The following PPM1D variants were observed in gnomAD, a reference collection of about 807,000 sequenced individuals.
PPM1D encodes the protein protein phosphatase, Mg2+/Mn2+ dependent 1D.
PPM1D carries 52 observed loss-of-function variants against 58.3 expected under a neutral mutation model. That is an observed-to-expected ratio of 0.89 (90% CI 0.71 to 1.12). PPM1D has a LOEUF of 1.12. Among genes scored for constraint, PPM1D ranks in the 50% most tolerant of loss-of-function variants. The pLI is 0.00. For synonymous variants in PPM1D, 278 were observed against 285.1 expected (o/e 0.98, Z 0.25); for missense variants, 564 against 777.2 (o/e 0.73, Z 3.26).
At chr17:60,661,532 G>A (rs902103195) in intron 5 of PPM1D, among the ~76,000 whole-genome samples, 7 of 152,164 alleles carry the variant, frequency 4.6e-5, no homozygotes, top group African/African-American at 1.7e-4. Flanking sequence ...CTGAGTATAT[G>A]TAGATTTAGA....
chr17:60,657,242 C>A, intron 5 of PPM1D: 2 of 420,360 alleles, frequency 4.8e-6, no homozygotes, highest in Non-Finnish European at 6.4e-6. Flanking sequence ...CATAGAGAAT[C>A]AAAATTGAGC....
intron 2 of PPM1D, among the ~76,000 whole-genome samples, chr17:60,629,550 C>T (rs1238938394): frequency 6.6e-6 from 1 of 152,182 alleles, no homozygotes; most frequent in Middle Eastern, 3.2e-3. Flanking sequence ...ATATATCTGA[C>T]ATCTCTGCTG....
At position 60,600,237 on chromosome 17, in the gene PPM1D, G is replaced by T; in HGVS notation, c.-178G>T. The T allele has an allele frequency of 7.8e-7, 1 of 1,284,024 alleles. No homozygotes were observed. The highest frequency in any genetic ancestry group is 1.6e-5 in the African/African-American group (1 of 64,336). 79.5% of individuals were successfully genotyped at this position (1,284,024 alleles called of 1,614,324 possible). ...CTGGCTCTGCTCGCTCCGGCGCTCC[G>T]GCCCAGCTCTCGCGGACAAGTCCAG... is the stretch of plus-strand genomic sequence containing the variant. On this transcript the variant is annotated 5_prime_UTR_variant, in exon 1 of 6. Coordinates refer to ENST00000305921, the MANE Select transcript of PPM1D (RefSeq NM_003620.4).
chr17:60,653,188 T>C (rs2031376287), intron 4 of PPM1D, among the ~76,000 whole-genome samples: 1 of 152,174 alleles, frequency 6.6e-6, no homozygotes, highest in Admixed American at 6.5e-5. Context: ...TTCTACTAAT[T>C]GAGATCTTAG....
At chr17:60,631,607 A>G (rs2030922388) in intron 2 of PPM1D, among the ~76,000 whole-genome samples, 1 of 149,860 alleles carries the variant, frequency 6.7e-6, no homozygotes, top group African/African-American at 2.4e-5. Context: ...ACTGTCTCCA[A>G]AAAAAAAAGG....
At chr17:60,636,965 T>C (rs1038640045) in intron 3 of PPM1D, among the ~76,000 whole-genome samples, 1 of 118,690 alleles carries the variant, frequency 8.4e-6, no homozygotes, top group South Asian at 3.3e-4. Context: ...AGCCTACTCA[T>C]GATTTTTTTT....
At chr17:60,650,370 G>A (rs1567976041) in intron 4 of PPM1D, among the ~76,000 whole-genome samples, 1 of 152,152 alleles carries the variant, frequency 6.6e-6, no homozygotes, top group African/African-American at 2.4e-5. Flanking sequence ...GGCCAACATG[G>A]TGAAACCCCA....
chr17:60,605,044 A>G (rs2143617784), intron 1 of PPM1D, among the ~76,000 whole-genome samples: 1 of 151,708 alleles, frequency 6.6e-6, no homozygotes. Flanking sequence ...CTGGTCTTGA[A>G]CTCTTGACCT....
At chr17:60,643,816 A>G (rs190809640) in intron 3 of PPM1D, among the ~76,000 whole-genome samples, 2 of 152,086 alleles carry the variant, frequency 1.3e-5, no homozygotes, top group African/African-American at 4.8e-5. Context: ...GTAGAGCACG[A>G]GAACAAGAGG....
intron 3 of PPM1D, among the ~76,000 whole-genome samples, chr17:60,635,261 G>C (rs1239717001): frequency 1.3e-5 from 2 of 151,392 alleles, no homozygotes; most frequent in African/African-American, 4.9e-5. Context: ...TGTTCCCCAG[G>C]CTGGAGTGCA....
chr17:60,649,198 C>T (rs888720211), intron 4 of PPM1D, among the ~76,000 whole-genome samples: 3 of 152,092 alleles, frequency 2.0e-5, no homozygotes, highest in African/African-American at 7.2e-5. Flanking sequence ...GCTGGGACTA[C>T]TGTGGTGCCA....
chr17:60,650,020 C>T (rs949215782), intron 4 of PPM1D, among the ~76,000 whole-genome samples: 1 of 152,018 alleles, frequency 6.6e-6, no homozygotes, highest in Non-Finnish European at 1.5e-5. Flanking sequence ...AAGACAAAAA[C>T]CAGTTTGTAG....
intron 5 of PPM1D, 99 bp downstream of exon 5, chr17:60,656,940 A>G (rs2031452550): frequency 2.5e-6 from 4 of 1,599,088 alleles, no homozygotes; most frequent in Non-Finnish European, 3.4e-6. Flanking sequence ...AGGATTTTGG[A>G]TTTGAACTCG....
Position 60,663,614 on chromosome 17 carries a change from T to G in PPM1D, c.*62T>G, listed in dbSNP as rs1389684557. On this transcript the variant is annotated 3_prime_UTR_variant, in exon 6 of 6. Transcript: ENST00000305921. ...ATATAAGAGGGCTTTTTAAATTTGG[T>G]GCCGATGTTGAACTTTTTTTAAGGG... The G allele has an allele frequency of 4.0e-6, 6 of 1,513,974 alleles. No individual in the cohort carries two copies. The highest frequency in any genetic ancestry group is 4.4e-6 in the Non-Finnish European group (5 of 1,130,920). 93.8% of individuals were successfully genotyped at this position (1,513,974 alleles called of 1,614,324 possible). A position where few individuals can be genotyped will look rare whatever the true frequency, so the allele number is the denominator to read the frequency against.
chr17:60,613,890 G>GCCC (rs61669650), intron 1 of PPM1D, among the ~76,000 whole-genome samples: 14 of 137,418 alleles, frequency 1.0e-4, no homozygotes, highest in Admixed American at 2.8e-4. Flanking sequence ...CATACCTGAG[G>GCCC]CCCCCCCCCC....
At chr17:60,614,551 C>T (rs181706923) in intron 1 of PPM1D, among the ~76,000 whole-genome samples, 5 of 152,258 alleles carry the variant, frequency 3.3e-5, no homozygotes, top group Admixed American at 3.3e-4. Context: ...GGAATAAAAG[C>T]AGGCTCAGCC....
At chr17:60,604,690 G>A (rs1000413924) in intron 1 of PPM1D, 12 of 152,158 alleles carry the variant, frequency 7.9e-5, no homozygotes, top group African/African-American at 2.9e-4. Context: ...CCTGGGAGGT[G>A]GGGTTACAGT....
At chr17:60,610,102 C>G (rs2030423495) in intron 1 of PPM1D, among the ~76,000 whole-genome samples, 1 of 151,172 alleles carries the variant, frequency 6.6e-6, no homozygotes, top group African/African-American at 2.4e-5. Flanking sequence ...ATTGCTTGAA[C>G]CTGGGAGGTG....
intron 1 of PPM1D, among the ~76,000 whole-genome samples, chr17:60,608,537 G>A (rs1252629437): frequency 6.6e-6 from 1 of 151,920 alleles, no homozygotes; most frequent in Non-Finnish European, 1.5e-5. Flanking sequence ...GCTACAGTGA[G>A]CTGAGATCAA....
Sources: allele counts gnomAD v4.1 joint callset (sites outside exome capture counted in the v4.1 genomes callset), GRCh38; gene constraint gnomAD v4.1.1; transcripts MANE v1.5; gene names NCBI Gene and HGNC (gene_info 2026-07-23, HGNC 2026-07-21).